EPGN: variants seen among roughly 807,000 people sequenced by gnomAD.
EPGN encodes epithelial mitogen.
Under a neutral mutation model 20.7 loss-of-function variants are expected in EPGN, and 21 were observed. That is an observed-to-expected ratio of 1.01 (90% CI 0.72 to 1.46). The LOEUF (loss-of-function observed/expected upper bound fraction) is 1.46. Among genes scored for constraint, EPGN ranks in the 40% most tolerant of loss-of-function variants. EPGN has a pLI of 0.00. For missense variants in EPGN, 199 were observed against 180.7 expected (o/e 1.10, Z -0.58); for synonymous variants, 69 against 63.8 (o/e 1.08, Z -0.39).
At chr4:74,311,933 T>C (rs1455172393) in intron 2 of EPGN, among the ~76,000 whole-genome samples, 1 of 152,186 alleles carries the variant, frequency 6.6e-6, no homozygotes, top group African/African-American at 2.4e-5. Context: ...TCTGTCTTAC[T>C]GCATTGCTTC....
chr4:74,310,741 T>C (rs1036313677), intron 2 of EPGN, among the ~76,000 whole-genome samples: 1 of 152,136 alleles, frequency 6.6e-6, no homozygotes, highest in Non-Finnish European at 1.5e-5. Context: ...AAATCCCTTA[T>C]ATAAAATAGT....
Position 74,315,538 on chromosome 4 carries a change from A to G in EPGN, c.*901A>G, listed in dbSNP as rs1751229906. Among the ~76,000 whole-genome samples, 1 of 152,240 alleles carries G rather than the reference A, an allele frequency of 6.6e-6. No homozygotes were observed. Among genetic ancestry groups the G allele is most frequent in the Admixed American group, 6.5e-5 (1 of 15,278 alleles). ...TAAAATAGAAACTGAAAAACAGGAC[A>G]TAGAATTTTTTCACCAGACCACAGC... On this transcript the variant is annotated 3_prime_UTR_variant, in exon 5 of 5. Transcript: ENST00000413830.
At chr4:74,312,357 T>C (rs1373718408) in intron 3 of EPGN, 52 bp downstream of exon 3, 1 of 1,567,530 alleles carries the variant, frequency 6.4e-7, no homozygotes, top group Middle Eastern at 1.7e-4. Context: ...AGTTTATGTC[T>C]CTGTTGTTTC....
rs1356800841 is a variant in EPGN, at chr4:74,316,525, G to A, written c.*1888G>A. 1.3e-5 allele frequency among the ~76,000 whole-genome samples: 2 copies of A among 152,158 alleles called. No homozygotes were observed. The highest frequency in any genetic ancestry group is 2.9e-5 in the Non-Finnish European group (2 of 68,016). On this transcript the variant is annotated 3_prime_UTR_variant, in exon 5 of 5. Transcript: ENST00000413830. ...GAGTAGAAGGTATTTAACTTGTTTT[G>A]TTTTTCCTTCAGAAGGAATTTAATG...
intron 2 of EPGN, among the ~76,000 whole-genome samples, chr4:74,310,665 T>C (rs887128891): frequency 2.0e-5 from 3 of 152,106 alleles, no homozygotes; most frequent in African/African-American, 7.2e-5. Context: ...TCCTCCGTTA[T>C]TGGTTGAACA....
rs577299609 is a variant in EPGN, at chr4:74,314,598, G to T, written c.426G>T (p.Ser142=). The change falls in exon 5 of 5, where the codon TCG becomes TCT. Residue 142 remains serine, a synonymous_variant. Transcript: ENST00000413830. ...YIRKRCLKLK[S]PYNVCSGERR... is the part of the protein sequence containing the mutation. ...GTTTCAGGTGTCTAAAATTGAAATC[G>T]CCTTACAATGTCTGTTCTGGAGAAA... 2 of 1,535,854 alleles carry T rather than the reference G, an allele frequency of 1.3e-6. No homozygotes were observed. Among genetic ancestry groups the T allele is most frequent in the African/African-American group, 1.4e-5 (1 of 73,024 alleles).
In EPGN at chr4:74,310,543, C is replaced by T. The variant is rs62312547; in HGVS notation, c.133+1361C>T. Among the ~76,000 whole-genome samples, 442 of 150,506 alleles carry T rather than the reference C, an allele frequency of 2.9e-3. 1 individual carries two copies. The highest frequency in any genetic ancestry group is 9.6e-3 in the African/African-American group (395 of 41,006). ...ATAGTTTTCTCTCAATGACTGACTT[C>T]GTAATAGCATGCTCAGTACTAAATT... is the stretch of plus-strand genomic sequence containing the variant. On this transcript the variant is annotated intron_variant, in intron 2 of 4. Transcript: ENST00000413830.
intron 1 of EPGN, 47 bp from the exon 2 acceptor site, chr4:74,309,046 A>G (rs561403958): frequency 4.4e-6 from 6 of 1,367,324 alleles, no homozygotes; most frequent in African/African-American, 2.9e-5. Flanking sequence ...TTGCTTGTAC[A>G]TAGAAGGAGG....
intron 4 of EPGN, chr4:74,313,605 C>T (rs986868245): frequency 3.0e-6 from 3 of 1,006,066 alleles, no homozygotes; most frequent in South Asian, 4.6e-5. Flanking sequence ...AAATGTATGA[C>T]AAACATTGGC....
In EPGN at chr4:74,313,140, T is replaced by A. The variant is rs766515617; in HGVS notation, c.377T>A (p.Leu126His). The change falls in exon 4 of 5, where the codon CTT becomes CAT. Residue 126 changes from leucine (L) to histidine (H), a missense_variant. Coordinates refer to ENST00000413830, the MANE Select transcript of EPGN (RefSeq NM_001270989.2). Reference protein sequence around the residue: ...IGVGLLLSGFLVIFYCYIRKR... With the variant: ...IGVGLLLSGFHVIFYCYIRKR... The stretch of plus-strand genomic sequence containing the variant: ...GTTGGATTACTATTAAGTGGTTTTC[T>A]TGTTATTTTTTACTGCTATATAAGA... 1.9e-6 allele frequency: 3 copies of A among 1,611,998 alleles called. No individual in the cohort carries two copies. Among genetic ancestry groups the A allele is most frequent in the Non-Finnish European group, 1.7e-6 (2 of 1,179,358 alleles).
At chr4:74,311,783 T>G (rs888721780) in intron 2 of EPGN, among the ~76,000 whole-genome samples, 2 of 152,174 alleles carry the variant, frequency 1.3e-5, no homozygotes, top group African/African-American at 2.4e-5. Context: ...ACTTCTCAGG[T>G]GTAAAGGAAG....
In EPGN at chr4:74,316,701, AG is replaced by A. The variant is rs1021016828; in HGVS notation, c.*2065del. On this transcript the variant is annotated 3_prime_UTR_variant, in exon 5 of 5. Coordinates refer to ENST00000413830, the MANE Select transcript of EPGN (RefSeq NM_001270989.2). Reference sequence around the variant, plus strand: ...GTTTCTCTTCCTGAGTATTTCAAAAAGATGTAAAAGAGCTGGGGAGAGTATG... The same window carrying A: ...GTTTCTCTTCCTGAGTATTTCAAAAAATGTAAAAGAGCTGGGGAGAGTATG... Among the ~76,000 whole-genome samples the A allele has an allele frequency of 6.6e-6, 1 of 152,222 alleles. No individual in the cohort carries two copies. Among genetic ancestry groups the A allele is most frequent in the Non-Finnish European group, 1.5e-5 (1 of 68,038 alleles).
chr4:74,313,101 C>T lies in EPGN; in HGVS notation c.338C>T (p.Ala113Val), dbSNP rs142205602. 2.5e-6 allele frequency: 4 copies of T among 1,612,742 alleles called. No individual in the cohort carries two copies. Among genetic ancestry groups the T allele is most frequent in the Non-Finnish European group, 3.4e-6 (4 of 1,179,456 alleles). The stretch of plus-strand genomic sequence containing the variant: ...GTGGATTCTTATGAAAAATACATTG[C>T]AATTGGGATTGGTGTTGGATTACTA... ...YAVDSYEKYI[A>V]IGIGVGLLLS... The change falls in exon 4 of 5, where the codon GCA (alanine) becomes GTA (valine). Residue 113 changes from alanine to valine, a missense_variant. Ala to Val is a moderately conservative substitution (Grantham distance 64). Coordinates refer to ENST00000413830, the MANE Select transcript of EPGN (RefSeq NM_001270989.2).
chr4:74,310,886 AG>A lies in EPGN; in HGVS notation c.134-1298del, dbSNP rs1201338038. Among the ~76,000 whole-genome samples, 4 of 152,310 alleles carry A rather than the reference AG, an allele frequency of 2.6e-5. 1 individual carries two copies. In the East Asian group the frequency reaches 7.7e-4, roughly 29 times the overall value. ...TTGTTTAGGGAATAATGACAAGAAA[AG>A]TCAGTACATGTTATGTACAGATGCT... On this transcript the variant is annotated intron_variant, in intron 2 of 4. Coordinates refer to ENST00000413830, the MANE Select transcript of EPGN (RefSeq NM_001270989.2).
At position 74,316,363 on chromosome 4, in the gene EPGN, A is replaced by G. The variant is rs1413686902; in HGVS notation, c.*1726A>G. Among the ~76,000 whole-genome samples, 1 of 152,202 alleles carries G rather than the reference A, an allele frequency of 6.6e-6. No homozygotes were observed. Among genetic ancestry groups the G allele is most frequent in the East Asian group, 1.9e-4 (1 of 5,202 alleles). ...ATTTGTGATGTAGATAAGCAAGACAATTTTGATCATGAGTGGTGAAAAGAG... is the reference window on the plus strand; with the variant it reads ...ATTTGTGATGTAGATAAGCAAGACAGTTTTGATCATGAGTGGTGAAAAGAG... On this transcript the variant is annotated 3_prime_UTR_variant, in exon 5 of 5. Transcript: ENST00000413830.
rs182294809 is a variant in EPGN, at chr4:74,309,165, C to G, written c.116C>G (p.Thr39Arg). 6.2e-7 allele frequency: 1 copy of G among 1,612,702 alleles called. No homozygotes were observed. Among genetic ancestry groups the G allele is most frequent in the African/African-American group, 1.3e-5 (1 of 75,002 alleles). ...PPITAQQGNW[T>R]VNKTEADNIE... ...ATCACAGCCCAGCAAGGTAACTGGA[C>G]AGTTAACAAAACAGAAGGTATTTTC... The change falls in exon 2 of 5, where the codon ACA (threonine) becomes AGA (arginine). Residue 39 changes from threonine to arginine, a missense_variant. Transcript: ENST00000413830.
At position 74,308,555 on chromosome 4, in the gene EPGN, T is replaced by C; in HGVS notation, c.22T>C (p.Ser8Pro). 1 of 1,610,976 alleles carries C rather than the reference T, an allele frequency of 6.2e-7. No individual in the cohort carries two copies. The highest frequency in any genetic ancestry group is 8.5e-7 in the Non-Finnish European group (1 of 1,177,972). ...GGAAATGGCTTTGGGAGTTCCAATA[T>C]CAGTCTATCTTTTATTCAACGGTAG... MALGVPI[S>P]VYLLFNAMTA... Residue 8 changes from serine to proline, a missense_variant, in exon 1 of 5, where the codon TCA (serine) becomes CCA (proline). Transcript: ENST00000413830.
rs776861849 is a variant in EPGN at position 74,314,626 on chromosome 4, C to T, written c.454C>T (p.Arg152Ter). 19 of 1,535,866 alleles carry T rather than the reference C, an allele frequency of 1.2e-5. No individual in the cohort carries two copies. The highest frequency in any genetic ancestry group is 8.2e-5 in the African/African-American group (6 of 73,030). ...SPYNVCSGER[R>*]PL ...TTACAATGTCTGTTCTGGAGAAAGA[C>T]GACCACTGTGAGGCCTTTGTGAAGA... The change falls in exon 5 of 5, where the codon CGA (arginine) becomes TGA (stop). Residue 152 changes from arginine (R) to a stop codon, truncating the protein, a stop_gained. Transcript: ENST00000413830. LOFTEE classifies it high-confidence loss of function.
rs200784402 is a variant in EPGN, at chr4:74,315,952, CA to C, written c.*1332del. Among the ~76,000 whole-genome samples the C allele has an allele frequency of 0.048, 5,375 of 111,340 alleles. 271 individuals carry two copies. Among genetic ancestry groups the C allele is most frequent in the African/African-American group, 0.14 (4,623 of 33,298 alleles). The allele number at this position is 111,340 out of a possible 152,430, so 73.0% of individuals were successfully genotyped here. On this transcript the variant is annotated 3_prime_UTR_variant, in exon 5 of 5. Coordinates refer to ENST00000413830, the MANE Select transcript of EPGN (RefSeq NM_001270989.2). The stretch of plus-strand genomic sequence containing the variant: ...GGGTGACAAGAGCGAAACTCCATCT[CA>C]AAAAAAAAAAAAAAAATCAGTATCC...
Sources: allele counts gnomAD v4.1 joint callset (sites outside exome capture counted in the v4.1 genomes callset), GRCh38; gene constraint gnomAD v4.1.1; transcripts MANE v1.5; gene names NCBI Gene and HGNC (gene_info 2026-07-23, HGNC 2026-07-21).